BOLA3: variants seen among roughly 807,000 people sequenced by gnomAD.
BOLA3 encodes bolA-like protein 3.
Under a neutral mutation model 14.5 loss-of-function variants are expected in BOLA3, and 8 were observed. The observed-to-expected ratio is 0.55, with a 90% CI of 0.32 to 0.99. BOLA3 has a LOEUF of 0.99. Ranked by LOEUF, BOLA3 falls within the 50% of genes least tolerant of loss-of-function variation. BOLA3 has a pLI of 0.04. For missense variants in BOLA3, 115 were observed against 138.2 expected (o/e 0.83, Z 0.84); for synonymous variants, 42 against 45.7 (o/e 0.92, Z 0.33).
At chr2:74,144,194 C>T (rs936330305) in intron 2 of BOLA3, among the ~76,000 whole-genome samples, 2 of 141,012 alleles carry the variant, frequency 1.4e-5, no homozygotes, top group South Asian at 2.4e-4. Context: ...TTAGTAGAGA[C>T]GGGGGGGTTT....
At chr2:74,145,535 A>G (rs1304039164) in intron 1 of BOLA3, 21 of 563,616 alleles carry the variant, frequency 3.7e-5, no homozygotes, top group South Asian at 2.8e-4. Context: ...TAATAACTCA[A>G]TTTGACTCCA....
chr2:74,140,087 C>T (rs1053926085), intron 3 of BOLA3, among the ~76,000 whole-genome samples: 1 of 152,166 alleles, frequency 6.6e-6, no homozygotes, highest in Admixed American at 6.5e-5. Context: ...AGTTCGAGAC[C>T]AGCCTGGCCA....
At chr2:74,135,764 G>A (rs1286933486) in intron 3 of BOLA3, 106 bp from the exon 4 acceptor site, 1 of 881,258 alleles carries the variant, frequency 1.1e-6, no homozygotes, top group South Asian at 1.5e-5. Flanking sequence ...GACTTTGTAT[G>A]TGCTTTGTTT....
chr2:74,142,465 T>C (rs1692453756), intron 2 of BOLA3, 105 bp from the exon 3 acceptor site: 2 of 901,402 alleles, frequency 2.2e-6, no homozygotes, highest in East Asian at 2.5e-5. Flanking sequence ...AATATTATCA[T>C]TCAGCACAAA....
At chr2:74,138,050 G>T (rs943353579) in intron 3 of BOLA3, among the ~76,000 whole-genome samples, 2 of 152,122 alleles carry the variant, frequency 1.3e-5, no homozygotes, top group African/African-American at 4.8e-5. Flanking sequence ...CAGGCCCTGC[G>T]CACTCCCCCT....
At position 74,144,715 on chromosome 2, in the gene BOLA3, T is replaced by C. The variant is rs144780832; in HGVS notation, c.169+474A>G. 4.6e-5 allele frequency among the ~76,000 whole-genome samples: 7 copies of C among 152,336 alleles called. No homozygotes were observed. In the East Asian group the frequency reaches 1.3e-3, roughly 29 times the overall value. ...CCCTGAGTCCCGGTTCTGGTTCCAGTTCCACTGTCTCTTCCCTATGAGGAG... is the reference window on the plus strand; with the variant it reads ...CCCTGAGTCCCGGTTCTGGTTCCAGCTCCACTGTCTCTTCCCTATGAGGAG... On this transcript the variant is annotated intron_variant, in intron 2 of 3. Transcript: ENST00000327428.
intron 3 of BOLA3, among the ~76,000 whole-genome samples, chr2:74,140,449 G>A (rs78236111): frequency 0.037 from 5,689 of 152,270 alleles, 146 homozygotes; most frequent in East Asian, 0.095. Flanking sequence ...AAGAAATACT[G>A]ACTGGGCTCC....
chr2:74,144,305 A>C (rs575271922), intron 2 of BOLA3, among the ~76,000 whole-genome samples: 1 of 152,144 alleles, frequency 6.6e-6, no homozygotes, highest in East Asian at 1.9e-4. Context: ...CTGCTCCAAA[A>C]CCCCAGCAGA....
chr2:74,138,914 G>A (rs1558820735), intron 3 of BOLA3, among the ~76,000 whole-genome samples: 1 of 152,196 alleles, frequency 6.6e-6, no homozygotes. Context: ...GATCACCGTG[G>A]CTACCTACCT....
In BOLA3 at chr2:74,135,464, C is replaced by T; in HGVS notation, c.*129G>A. The T allele has an allele frequency of 7.5e-7, 1 of 1,330,126 alleles. No individual in the cohort carries two copies. Among genetic ancestry groups the T allele is most frequent in the African/African-American group, 1.5e-5 (1 of 68,094 alleles). 82.4% of individuals were successfully genotyped at this position (1,330,126 alleles called of 1,614,324 possible). A position where few individuals can be genotyped will look rare whatever the true frequency, so the allele number is the denominator to read the frequency against. On this transcript the variant is annotated 3_prime_UTR_variant, in exon 4 of 4. Coordinates refer to ENST00000327428, the MANE Select transcript of BOLA3 (RefSeq NM_212552.3). ...AACATCTAAATAGATTATACATCTTCTATAATTATAATATGGAAATGTATA... is the reference window on the plus strand; with the variant it reads ...AACATCTAAATAGATTATACATCTTTTATAATTATAATATGGAAATGTATA...
chr2:74,147,712 C>T (rs559464315), intron 1 of BOLA3, 109 bp downstream of exon 1: 4 of 1,056,350 alleles, frequency 3.8e-6, no homozygotes, highest in East Asian at 2.7e-5. Flanking sequence ...TTGCCAGTGC[C>T]GCGCGCGCCC....
In BOLA3 at chr2:74,135,498, A is replaced by G; in HGVS notation, c.*95T>C. On this transcript the variant is annotated 3_prime_UTR_variant, in exon 4 of 4. Transcript: ENST00000327428. ...TAATATGGAAATGTATATGAGCAAA[A>G]TATATAAATTTTTTGGTGACTGCTT... 6.5e-7 allele frequency: 1 copy of G among 1,549,328 alleles called. No homozygotes were observed. The highest frequency in any genetic ancestry group is 8.9e-7 in the Non-Finnish European group (1 of 1,122,656).
rs186869272 is a variant in BOLA3, at chr2:74,136,291, C to T, written c.259-633G>A. Among the ~76,000 whole-genome samples the T allele has an allele frequency of 3.9e-5, 6 of 152,266 alleles. No homozygotes were observed. The East Asian group carries it at 1.2e-3, about 29-fold the overall frequency. ...TTACAGGGACTTAAAAATGCATATT[C>T]ACCAGGCATATTCAAGCTAATATAT... On this transcript the variant is annotated intron_variant, in intron 3 of 3. Transcript: ENST00000327428.
intron 2 of BOLA3, among the ~76,000 whole-genome samples, chr2:74,144,194 C>CG (rs11384041): frequency 0.23 from 32,987 of 140,994 alleles, 4,998 homozygotes; most frequent in African/African-American, 0.43. Context: ...TTAGTAGAGA[C>CG]GGGGGGGTTT....
intron 3 of BOLA3, among the ~76,000 whole-genome samples, chr2:74,141,656 A>G (rs376361716): frequency 6.6e-6 from 1 of 152,212 alleles, no homozygotes; most frequent in Non-Finnish European, 1.5e-5. Flanking sequence ...TGCTTTACAA[A>G]AATAACACTA....
rs779625400 is a variant in BOLA3, at chr2:74,142,253, C to A, written c.258+19G>T. 1.3e-5 allele frequency: 21 copies of A among 1,580,750 alleles called. No individual in the cohort carries two copies. Among genetic ancestry groups the A allele is most frequent in the Non-Finnish European group, 1.8e-5 (21 of 1,150,728 alleles). On this transcript the variant is annotated intron_variant, in intron 3 of 3. Transcript: ENST00000327428. ...GAGGCTGAAGGCCAGTGGCAAGGGG[C>A]ACTGTTGCCTCTACTGACCTGATTA...
At chr2:74,142,209 T>C (rs1692449088) in intron 3 of BOLA3, 63 bp downstream of exon 3, 2 of 1,260,296 alleles carry the variant, frequency 1.6e-6, no homozygotes, top group African/African-American at 2.9e-5. Context: ...CCACCATCCC[T>C]GCTTGGCAGG....
chr2:74,135,506 A>T lies in BOLA3; in HGVS notation c.*87T>A. 1 of 1,572,630 alleles carries T rather than the reference A, an allele frequency of 6.4e-7. No individual in the cohort carries two copies. The highest frequency in any genetic ancestry group is 1.3e-5 in the African/African-American group (1 of 74,166). On this transcript the variant is annotated 3_prime_UTR_variant, in exon 4 of 4. Coordinates refer to ENST00000327428, the MANE Select transcript of BOLA3 (RefSeq NM_212552.3). Reference sequence around the variant, plus strand: ...AAATGTATATGAGCAAAATATATAAATTTTTTGGTGACTGCTTAGGGAAGA... The same window carrying T: ...AAATGTATATGAGCAAAATATATAATTTTTTTGGTGACTGCTTAGGGAAGA...
At chr2:74,147,569 G>A in intron 1 of BOLA3, 1 of 559,782 alleles carries the variant, frequency 1.8e-6, no homozygotes, top group South Asian at 2.1e-5. Flanking sequence ...GTGTCTGTCC[G>A]CCTGACCTCC....
Sources: allele counts gnomAD v4.1 joint callset (sites outside exome capture counted in the v4.1 genomes callset), GRCh38; gene constraint gnomAD v4.1.1; transcripts MANE v1.5; gene names NCBI Gene and HGNC (gene_info 2026-07-23, HGNC 2026-07-21).